Variants in C1orf21 observed in about 807,000 individuals in gnomAD.
C1orf21 encodes chromosome 1 open reading frame 21, also known as uncharacterized protein C1orf21.
Under a neutral mutation model 18.7 loss-of-function variants are expected in C1orf21, and 3 were observed. The observed-to-expected ratio is 0.16, with a 90% CI of 0.07 to 0.42. The LOEUF is 0.42. C1orf21 is among the 10% of genes least tolerant of loss of function. The pLI is 0.99. For synonymous variants in C1orf21, 41 were observed against 46.4 expected, an observed-to-expected ratio of 0.88 and a Z score of 0.47; for missense variants, 104 against 143.6, an observed-to-expected ratio of 0.72 and a Z score of 1.41.
intron 5 of C1orf21, among the ~76,000 whole-genome samples, chr1:184,609,213 T>G (rs1370938498): frequency 6.6e-6 from 1 of 152,096 alleles, no homozygotes; most frequent in African/African-American, 2.4e-5. Context: ...ACTGGATGAG[T>G]CAGTCACCAT....
chr1:184,415,857 C>T (rs1008402386), intron 1 of C1orf21, among the ~76,000 whole-genome samples: 3 of 152,146 alleles, frequency 2.0e-5, no homozygotes, highest in Non-Finnish European at 4.4e-5. Context: ...TTGACAATGT[C>T]CCCTGAACTG....
At chr1:184,408,993 G>A (rs1656290655) in intron 1 of C1orf21, among the ~76,000 whole-genome samples, 1 of 152,236 alleles carries the variant, frequency 6.6e-6, no homozygotes, top group African/African-American at 2.4e-5. Context: ...GGGTTTGGAT[G>A]TCAGCATTGG....
intron 1 of C1orf21, among the ~76,000 whole-genome samples, chr1:184,453,940 A>C (rs1165676189): frequency 5.9e-5 from 9 of 152,188 alleles, no homozygotes; most frequent in Non-Finnish European, 1.5e-5. Context: ...ATTGATTGAA[A>C]TTTATTTCTA....
chr1:184,556,901 C>T (rs961928818), intron 3 of C1orf21, among the ~76,000 whole-genome samples: 49 of 152,330 alleles, frequency 3.2e-4, no homozygotes, highest in African/African-American at 1.1e-3. Flanking sequence ...CTGATAAAAG[C>T]GGCCTGAGCA....
In C1orf21 at chr1:184,471,842, C is replaced by T. The variant is rs138089652; in HGVS notation, c.-124-5544C>T. On this transcript the variant is annotated intron_variant, in intron 1 of 5. Coordinates refer to ENST00000235307, the MANE Select transcript of C1orf21 (RefSeq NM_030806.4). ...TATTGTCGATTGTCATGCCATCAGA[C>T]GAGTGTGAGGTGAGGAATGAATGTG... 1.3e-3 allele frequency among the ~76,000 whole-genome samples: 191 copies of T among 152,164 alleles called. 2 individuals carry two copies. The highest frequency in any genetic ancestry group is 7.3e-3 in the South Asian group (35 of 4,822).
chr1:184,529,370 T>C (rs1658425100), intron 3 of C1orf21, among the ~76,000 whole-genome samples: 1 of 152,198 alleles, frequency 6.6e-6, no homozygotes, highest in African/African-American at 2.4e-5. Flanking sequence ...ACTTCAGCTT[T>C]ATGTGATAAG....
At chr1:184,471,503 G>A (rs1657496402) in intron 1 of C1orf21, among the ~76,000 whole-genome samples, 1 of 152,004 alleles carries the variant, frequency 6.6e-6, no homozygotes, top group African/African-American at 2.4e-5. Flanking sequence ...GACATATGTT[G>A]AGGTAGATCA....
At chr1:184,474,894 A>T (rs1402715918) in intron 1 of C1orf21, among the ~76,000 whole-genome samples, 1 of 152,142 alleles carries the variant, frequency 6.6e-6, no homozygotes, top group Admixed American at 6.5e-5. Flanking sequence ...TTACGTGATA[A>T]TGCTGGGGAT....
intron 1 of C1orf21, among the ~76,000 whole-genome samples, chr1:184,439,657 A>C (rs1173815184): frequency 1.3e-5 from 2 of 152,168 alleles, no homozygotes; most frequent in East Asian, 3.9e-4. Flanking sequence ...TCAATCACTC[A>C]ACCTACATTA....
chr1:184,619,580 G>A lies in C1orf21; in HGVS notation c.*24G>A. On this transcript the variant is annotated 3_prime_UTR_variant, in exon 6 of 6. Transcript: ENST00000235307. ...AGCACCAATTTTACCACTCAAACCA[G>A]GAGCTACTACTGTGTAAATAGGTTA... 6.2e-7 allele frequency: 1 copy of A among 1,611,538 alleles called. No homozygotes were observed. Among genetic ancestry groups the A allele is most frequent in the South Asian group, 1.1e-5 (1 of 90,880 alleles).
Position 184,590,790 on chromosome 1 carries a change from G to C in C1orf21, c.241G>C (p.Gly81Arg). 6.2e-7 allele frequency: 1 copy of C among 1,613,994 alleles called. No homozygotes were observed. The highest frequency in any genetic ancestry group is 8.5e-7 in the Non-Finnish European group (1 of 1,179,940). The change falls in exon 4 of 6, where the codon GGA (glycine) becomes CGA (arginine). Residue 81 changes from glycine to arginine, a missense_variant. Transcript: ENST00000235307. ...ACTTAAAACTAATAAAGAGGTTCCG[G>C]GATTAGTTCATCAACCCAGAGCAAA... is the stretch of plus-strand genomic sequence containing the variant. ...VRLKTNKEVP[G>R]LVHQPRANMH...
At chr1:184,459,307 A>G (rs1400010561) in intron 1 of C1orf21, among the ~76,000 whole-genome samples, 1 of 152,232 alleles carries the variant, frequency 6.6e-6, no homozygotes, top group Non-Finnish European at 1.5e-5. Flanking sequence ...GGTGAAGGGT[A>G]AGTCGGACTC....
In C1orf21 at chr1:184,577,949, T is replaced by TTTG. The variant is rs1425713546; in HGVS notation, c.190-12788_190-12787insGTT. ...TTTGTCCGTTTGTTTTTTGTTTTGT[T>TTTG]TTTGTTTTTTTTTTTTTTTTTTGAG... is the stretch of plus-strand genomic sequence containing the variant. On this transcript the variant is annotated intron_variant, in intron 3 of 5. Transcript: ENST00000235307. Among the ~76,000 whole-genome samples the TTTG allele has an allele frequency of 7.3e-3, 633 of 86,864 alleles. 19 individuals are homozygous for TTTG. Among genetic ancestry groups the TTTG allele is most frequent in the South Asian group, 0.011 (34 of 2,988 alleles). 57.0% of individuals were successfully genotyped at this position (86,864 alleles called of 152,430 possible).
intron 1 of C1orf21, among the ~76,000 whole-genome samples, chr1:184,449,303 G>A (rs11811039): frequency 0.15 from 21,789 of 149,604 alleles, 1,625 homozygotes; most frequent in Middle Eastern, 0.21. Context: ...TGGGATGTTT[G>A]GCTTTTTGTC....
At chr1:184,458,951 T>G (rs1197172561) in intron 1 of C1orf21, among the ~76,000 whole-genome samples, 2 of 152,230 alleles carry the variant, frequency 1.3e-5, no homozygotes, top group African/African-American at 4.8e-5. Flanking sequence ...TAAATGTTTT[T>G]CCACTCTTTG....
At position 184,438,546 on chromosome 1, in the gene C1orf21, G is replaced by A. The variant is rs11587414; in HGVS notation, c.-124-38840G>A. 6.6e-3 allele frequency among the ~76,000 whole-genome samples: 1,003 copies of A among 152,292 alleles called. 7 individuals are homozygous for A. The highest frequency in any genetic ancestry group is 9.0e-3 in the Non-Finnish European group (614 of 68,028). Reference sequence around the variant, plus strand: ...AATGATCATCTTGGCAAGACACATTGGAGTAAATAGACAAGGTTGCTCAAG... The same window carrying A: ...AATGATCATCTTGGCAAGACACATTAGAGTAAATAGACAAGGTTGCTCAAG... On this transcript the variant is annotated intron_variant, in intron 1 of 5. Coordinates refer to ENST00000235307, the MANE Select transcript of C1orf21 (RefSeq NM_030806.4).
chr1:184,441,132 C>T (rs1472104710), intron 1 of C1orf21, among the ~76,000 whole-genome samples: 3 of 152,180 alleles, frequency 2.0e-5, no homozygotes, highest in African/African-American at 4.8e-5. Context: ...GAAATTTCCA[C>T]TCCCAGCACA....
chr1:184,392,842 T>C (rs1331377037), intron 1 of C1orf21, among the ~76,000 whole-genome samples: 1 of 93,778 alleles, frequency 1.1e-5, no homozygotes, highest in Non-Finnish European at 2.4e-5. Context: ...TTTTTTTTTT[T>C]TCTTGAGACA....
intron 4 of C1orf21, among the ~76,000 whole-genome samples, chr1:184,597,010 G>A (rs1020069732): frequency 8.5e-5 from 13 of 152,084 alleles, no homozygotes; most frequent in African/African-American, 2.2e-4. Flanking sequence ...TGCTTGAGAC[G>A]GTGAAAACAT....
Sources: allele counts gnomAD v4.1 joint callset (sites outside exome capture counted in the v4.1 genomes callset), GRCh38; gene constraint gnomAD v4.1.1; transcripts MANE v1.5; gene names NCBI Gene and HGNC (gene_info 2026-07-23, HGNC 2026-07-21).